ITGA9: variants seen among roughly 807,000 people sequenced by gnomAD.
ITGA9 encodes integrin subunit alpha 9.
Under a neutral mutation model 127.8 loss-of-function variants are expected in ITGA9, and 56 were observed. The observed-to-expected ratio is 0.44, with a 90% confidence interval of 0.35 to 0.55. ITGA9 has a LOEUF of 0.55. ITGA9 is among the 20% of genes least tolerant of loss of function. The probability of loss-of-function intolerance (pLI) is 0.00; values close to 1 mark genes in which losing one functional copy is unlikely to be tolerated. For missense variants in ITGA9, 1,196 were observed against 1,347.1 expected (o/e 0.89, Z 1.76); for synonymous variants, 508 against 514.5 (o/e 0.99, Z 0.17).
At chr3:37,494,925 C>A (rs1698711851) in intron 5 of ITGA9, among the ~76,000 whole-genome samples, 2 of 152,188 alleles carry the variant, frequency 1.3e-5, no homozygotes, top group South Asian at 4.1e-4. Flanking sequence ...TGTGCAGATA[C>A]ATGAAGCGTG....
intron 18 of ITGA9, among the ~76,000 whole-genome samples, chr3:37,709,921 G>A (rs1701059669): frequency 6.6e-6 from 1 of 152,198 alleles, no homozygotes. Flanking sequence ...GTTGCAGTGA[G>A]CCAAGATAGC....
chr3:37,624,972 T>G (rs1327197890), intron 15 of ITGA9, among the ~76,000 whole-genome samples: 1 of 152,220 alleles, frequency 6.6e-6, no homozygotes, highest in Non-Finnish European at 1.5e-5. Context: ...CCCTAGCTTT[T>G]AAGATCACAT....
At chr3:37,703,124 T>TC (rs547132654) in intron 18 of ITGA9, among the ~76,000 whole-genome samples, 49 of 152,178 alleles carry the variant, frequency 3.2e-4, no homozygotes, top group Non-Finnish European at 6.0e-4. Context: ...AACAGACAGG[T>TC]CCCCCCCTTT....
chr3:37,568,618 T>G (rs1190102516), intron 15 of ITGA9, among the ~76,000 whole-genome samples: 1 of 152,206 alleles, frequency 6.6e-6, no homozygotes, highest in African/African-American at 2.4e-5. Context: ...GCTTAGAAAT[T>G]TCTTCCACCA....
chr3:37,758,210 A>C (rs368868911), intron 23 of ITGA9, among the ~76,000 whole-genome samples: 5,803 of 148,206 alleles, frequency 0.039, 302 homozygotes, highest in South Asian at 0.13. Context: ...GTAGTCCCAG[A>C]TACTCGGGAG....
At chr3:37,546,345 A>G (rs1252634254) in intron 15 of ITGA9, among the ~76,000 whole-genome samples, 3 of 152,182 alleles carry the variant, frequency 2.0e-5, no homozygotes, top group Non-Finnish European at 4.4e-5. Flanking sequence ...TCCTGATGCA[A>G]CCAGAAGGAC....
At chr3:37,605,568 T>A (rs1699960310) in intron 15 of ITGA9, among the ~76,000 whole-genome samples, 1 of 152,188 alleles carries the variant, frequency 6.6e-6, no homozygotes, top group African/African-American at 2.4e-5. Context: ...TCTCAACTGT[T>A]CACCCCTCAT....
intron 4 of ITGA9, among the ~76,000 whole-genome samples, chr3:37,483,355 G>C (rs755820003): frequency 6.6e-6 from 1 of 152,236 alleles, no homozygotes; most frequent in Non-Finnish European, 1.5e-5. Flanking sequence ...CAGTAGGCCA[G>C]TGTTGATCTG....
chr3:37,809,608 G>T (rs1448668563), intron 27 of ITGA9, among the ~76,000 whole-genome samples: 3 of 151,956 alleles, frequency 2.0e-5, no homozygotes, highest in African/African-American at 7.3e-5. Flanking sequence ...TGGTGGAGGG[G>T]ATTTCTTTAG....
chr3:37,583,156 A>T (rs1318262396), intron 15 of ITGA9, among the ~76,000 whole-genome samples: 1 of 152,096 alleles, frequency 6.6e-6, no homozygotes, highest in Non-Finnish European at 1.5e-5. Flanking sequence ...TTATTTCTGG[A>T]TTCTCCTGGG....
chr3:37,586,037 G>C (rs1416308901), intron 15 of ITGA9, among the ~76,000 whole-genome samples: 1 of 152,130 alleles, frequency 6.6e-6, no homozygotes, highest in Non-Finnish European at 1.5e-5. Context: ...TGATGATGGT[G>C]ATGGTGGCAG....
intron 26 of ITGA9, among the ~76,000 whole-genome samples, chr3:37,796,349 A>T (rs1257366228): frequency 6.6e-6 from 1 of 152,074 alleles, no homozygotes; most frequent in Non-Finnish European, 1.5e-5. Context: ...TTTCTAATTG[A>T]CTAGTAGTCT....
chr3:37,496,904 G>A (rs1437540220), intron 5 of ITGA9, among the ~76,000 whole-genome samples: 1 of 152,176 alleles, frequency 6.6e-6, no homozygotes, highest in Non-Finnish European at 1.5e-5. Context: ...AAGGCACTCA[G>A]ATTTGAATTT....
chr3:37,624,365 C>G (rs966771381), intron 15 of ITGA9, among the ~76,000 whole-genome samples: 2 of 151,856 alleles, frequency 1.3e-5, no homozygotes, highest in Non-Finnish European at 2.9e-5. Context: ...AATTGAAATG[C>G]GTGTCTTCCT....
chr3:37,726,559 C>G (rs1696205784), intron 18 of ITGA9, among the ~76,000 whole-genome samples: 1 of 152,256 alleles, frequency 6.6e-6, no homozygotes, highest in Non-Finnish European at 1.5e-5. Flanking sequence ...CTTCCAACCA[C>G]TGCACGTTAC....
chr3:37,723,948 G>A (rs1399721363), intron 18 of ITGA9, among the ~76,000 whole-genome samples: 2 of 152,302 alleles, frequency 1.3e-5, no homozygotes, highest in East Asian at 3.9e-4. Flanking sequence ...GGAGCCCCAT[G>A]TTGCACAGGG....
intron 17 of ITGA9, among the ~76,000 whole-genome samples, chr3:37,656,307 G>A (rs1057260802): frequency 6.6e-6 from 1 of 152,178 alleles, no homozygotes; most frequent in Non-Finnish European, 1.5e-5. Context: ...TCACGATATT[G>A]ATTCTTTGTT....
Position 37,515,592 on chromosome 3 carries a change from A to G in ITGA9, c.1035+1692A>G, listed in dbSNP as rs552791558. Among the ~76,000 whole-genome samples, 10 of 152,298 alleles carry G rather than the reference A, an allele frequency of 6.6e-5. No homozygotes were observed. In the East Asian group the frequency reaches 1.7e-3, roughly 26 times the overall value. On this transcript the variant is annotated intron_variant, in intron 9 of 27. Coordinates refer to ENST00000264741, the MANE Select transcript of ITGA9 (RefSeq NM_002207.3). ...GTCTCTACTAAAAACACACAAAAAA[A>G]TTAGCCTGGTGTGGTGGTGCTTGCC... is the stretch of plus-strand genomic sequence containing the variant.
intron 18 of ITGA9, among the ~76,000 whole-genome samples, chr3:37,714,764 G>C (rs1488985872): frequency 6.6e-6 from 1 of 152,206 alleles, no homozygotes; most frequent in African/African-American, 2.4e-5. Flanking sequence ...CTGTGTTTTA[G>C]CAAGCCTCCA....
Sources: allele counts gnomAD v4.1 joint callset (sites outside exome capture counted in the v4.1 genomes callset), GRCh38; gene constraint gnomAD v4.1.1; transcripts MANE v1.5; gene names NCBI Gene and HGNC (gene_info 2026-07-23, HGNC 2026-07-21).